RARB: variants seen among roughly 807,000 people sequenced by gnomAD.
RARB encodes retinoic acid receptor beta, also known as HBV-activated protein.
A neutral mutation model predicts 51.9 loss-of-function variants in RARB; 17 were observed. That is an observed-to-expected ratio of 0.33 (90% CI 0.22 to 0.49). The LOEUF (loss-of-function observed/expected upper bound fraction) is 0.49. Ranked by LOEUF, RARB falls within the 20% of genes least tolerant of loss-of-function variation. The pLI is 0.99. For missense variants in RARB, 369 were observed against 550.8 expected (o/e 0.67, Z 3.30); for synonymous variants, 215 against 195.4 (o/e 1.10, Z -0.84).
intron 5 of RARB, among the ~76,000 whole-genome samples, chr3:25,337,110 G>T (rs1374749271): frequency 6.6e-6 from 1 of 152,112 alleles, no homozygotes; most frequent in Non-Finnish European, 1.5e-5. Context: ...TGAGAGATTT[G>T]AGGCCATGTA....
intron 3 of RARB, among the ~76,000 whole-genome samples, chr3:25,063,501 T>C (rs917649068): frequency 6.6e-6 from 1 of 151,904 alleles, no homozygotes; most frequent in Admixed American, 6.6e-5. Flanking sequence ...GTGTCATAAT[T>C]TGTCGATTTT....
rs1052274775 is a variant in RARB, at chr3:25,446,672, A to G, written c.158-14521A>G. On this transcript the variant is annotated intron_variant, in intron 1 of 7. Coordinates refer to ENST00000330688, the MANE Select transcript of RARB (RefSeq NM_000965.5). ...CAAAAAATTAGCCGGGCGTGGTGGCAGGCGCCTGTAGTCCCAGCTACTTGG... is the reference window on the plus strand; with the variant it reads ...CAAAAAATTAGCCGGGCGTGGTGGCGGGCGCCTGTAGTCCCAGCTACTTGG... 5.3e-5 allele frequency among the ~76,000 whole-genome samples: 8 copies of G among 151,638 alleles called. No homozygotes were observed. In the East Asian group the frequency reaches 1.2e-3, roughly 22 times the overall value.
intron 5 of RARB, among the ~76,000 whole-genome samples, chr3:25,394,940 T>A (rs1707075968): frequency 6.6e-6 from 1 of 152,348 alleles, no homozygotes; most frequent in African/African-American, 2.4e-5. Context: ...CTGTTCATTG[T>A]GCTAGTTGTT....
chr3:24,963,431 C>T (rs58134855), intron 2 of RARB, among the ~76,000 whole-genome samples: 5,374 of 148,490 alleles, frequency 0.036, 246 homozygotes, highest in African/African-American at 0.1. Context: ...TTGTCACGCT[C>T]ATGGCCTCTT....
intron 3 of RARB, among the ~76,000 whole-genome samples, chr3:25,125,434 C>T (rs1699846114): frequency 1.3e-5 from 2 of 152,066 alleles, no homozygotes; most frequent in African/African-American, 2.4e-5. Context: ...AATAAAGACA[C>T]ACAAAATTGC....
At chr3:25,301,212 A>G (rs1704029984) in intron 5 of RARB, among the ~76,000 whole-genome samples, 1 of 152,190 alleles carries the variant, frequency 6.6e-6, no homozygotes, top group African/African-American at 2.4e-5. Context: ...TGGGTTTATC[A>G]GGACATAACC....
chr3:24,871,502 T>G (rs977090810), intron 2 of RARB, among the ~76,000 whole-genome samples: 5 of 152,150 alleles, frequency 3.3e-5, no homozygotes, highest in African/African-American at 1.2e-4. Context: ...CCTCTAGGTC[T>G]TCTTCTCCCA....
intron 5 of RARB, among the ~76,000 whole-genome samples, chr3:25,232,553 T>G (rs879631632): frequency 6.6e-6 from 1 of 152,104 alleles, no homozygotes. Context: ...TTGGCCAACG[T>G]TTTGTCATTT....
chr3:25,338,528 T>A (rs971781600), intron 5 of RARB, among the ~76,000 whole-genome samples: 2 of 152,130 alleles, frequency 1.3e-5, no homozygotes, highest in Non-Finnish European at 2.9e-5. Flanking sequence ...TCATTTACAC[T>A]CTCTAGTTAC....
chr3:25,391,766 G>T (rs1706966652), intron 5 of RARB, among the ~76,000 whole-genome samples: 1 of 152,092 alleles, frequency 6.6e-6, no homozygotes, highest in Admixed American at 6.6e-5. Flanking sequence ...ATTTGTTTGA[G>T]TTCTTTGTAG....
chr3:24,946,972 A>G (rs754606525), intron 2 of RARB, among the ~76,000 whole-genome samples: 1 of 152,210 alleles, frequency 6.6e-6, no homozygotes, highest in Non-Finnish European at 1.5e-5. Flanking sequence ...AGTGCCATTG[A>G]AAAGACATGC....
intron 4 of RARB, among the ~76,000 whole-genome samples, chr3:25,141,204 A>G (rs1700101531): frequency 6.6e-6 from 1 of 151,996 alleles, no homozygotes; most frequent in Non-Finnish European, 1.5e-5. Context: ...AAATTCTTAG[A>G]CCCGGGAAAC....
At chr3:24,865,866 T>C (rs1437952372) in intron 2 of RARB, among the ~76,000 whole-genome samples, 2 of 152,174 alleles carry the variant, frequency 1.3e-5, no homozygotes, top group Non-Finnish European at 2.9e-5. Flanking sequence ...TGAGACATGT[T>C]GGGTCAGTTA....
At chr3:24,969,881 T>G (rs901307131) in intron 2 of RARB, among the ~76,000 whole-genome samples, 7 of 152,096 alleles carry the variant, frequency 4.6e-5, no homozygotes, top group Admixed American at 2.0e-4. Context: ...CCGTCAAACT[T>G]TGTGTGTAGC....
intron 2 of RARB, among the ~76,000 whole-genome samples, chr3:24,947,387 T>C (rs1169209244): frequency 6.6e-6 from 1 of 152,212 alleles, no homozygotes; most frequent in Non-Finnish European, 1.5e-5. Context: ...TATCAGGACA[T>C]TGGAAAAGGT....
At chr3:25,389,007 T>C (rs888069063) in intron 5 of RARB, among the ~76,000 whole-genome samples, 1 of 152,182 alleles carries the variant, frequency 6.6e-6, no homozygotes, top group Non-Finnish European at 1.5e-5. Flanking sequence ...AGAAACATAA[T>C]GCCGGTTGCA....
intron 3 of RARB, among the ~76,000 whole-genome samples, chr3:25,092,431 G>A (rs1196613005): frequency 1.3e-5 from 2 of 151,790 alleles, no homozygotes; most frequent in Non-Finnish European, 2.9e-5. Context: ...TTGTAAGTAG[G>A]GATTCCTCAA....
At position 25,469,016 on chromosome 3, in the gene RARB, C is replaced by G. The variant is rs543124881; in HGVS notation, c.306+7675C>G. ...TGCTTGCTGAAGGTCACATTGGTAG[C>G]CTTCTATTTAAAGCAGTCTTTTAAG... On this transcript the variant is annotated intron_variant, in intron 2 of 7. Coordinates refer to ENST00000330688, the MANE Select transcript of RARB (RefSeq NM_000965.5). 5.3e-5 allele frequency among the ~76,000 whole-genome samples: 8 copies of G among 152,326 alleles called. No homozygotes were observed. In the South Asian group the frequency reaches 1.7e-3, roughly 32 times the overall value.
At chr3:25,072,719 T>TA (rs926674041) in intron 3 of RARB, among the ~76,000 whole-genome samples, 10 of 152,056 alleles carry the variant, frequency 6.6e-5, no homozygotes, top group South Asian at 4.2e-4. Context: ...TTTATTTATT[T>TA]TTTTTTTGAG....
Sources: gnomAD v4.1 joint callset for allele counts (sites outside exome capture counted in the v4.1 genomes callset) on GRCh38, gnomAD v4.1.1 for gene constraint, MANE v1.5 for transcripts, NCBI Gene and HGNC (gene_info 2026-07-23, HGNC 2026-07-21) for gene names.